The following ANKS1B variants were observed in gnomAD, a reference collection of about 807,000 sequenced individuals.
ANKS1B encodes the protein ankyrin repeat and sterile alpha motif domain-containing protein 1B.
In ANKS1B, 36 loss-of-function variants were observed where a neutral mutation model predicts 148.3. That is an observed-to-expected ratio of 0.24 (90% CI 0.19 to 0.32). ANKS1B has a LOEUF of 0.32. Ranked by LOEUF, ANKS1B falls within the 10% of genes least tolerant of loss-of-function variation. The pLI, the probability that ANKS1B is intolerant of heterozygous loss-of-function variation, is 1.00. For missense variants in ANKS1B, 1,157 were observed against 1,542.6 expected (o/e 0.75, Z 4.19); for synonymous variants, 542 against 560.8 (o/e 0.97, Z 0.47).
chr12:99,952,329 T>C (rs2153824038), intron 1 of ANKS1B, among the ~76,000 whole-genome samples: 1 of 152,324 alleles, frequency 6.6e-6, no homozygotes, highest in Admixed American at 6.5e-5. Flanking sequence ...TTGTTGCTGC[T>C]GCTGTTGTTG....
intron 12 of ANKS1B, among the ~76,000 whole-genome samples, chr12:99,364,716 T>C (rs1220687861): frequency 6.6e-6 from 1 of 152,238 alleles, no homozygotes; most frequent in Non-Finnish European, 1.5e-5. Context: ...ATGTTTTTAC[T>C]GATGGTAGTT....
At chr12:99,929,268 T>C (rs911621373) in intron 1 of ANKS1B, among the ~76,000 whole-genome samples, 9 of 152,224 alleles carry the variant, frequency 5.9e-5, no homozygotes, top group Admixed American at 5.2e-4. Context: ...TTTTTTTTCA[T>C]GTGTTTTTTG....
At chr12:99,844,095 G>A (rs889734302) in intron 1 of ANKS1B, among the ~76,000 whole-genome samples, 3 of 151,902 alleles carry the variant, frequency 2.0e-5, no homozygotes, top group African/African-American at 7.3e-5. Context: ...TAATGGGGTT[G>A]TTTTTTTCTT....
At chr12:99,098,862 T>A (rs1392693162) in intron 15 of ANKS1B, among the ~76,000 whole-genome samples, 4 of 149,942 alleles carry the variant, frequency 2.7e-5, no homozygotes, top group Non-Finnish European at 4.4e-5. Context: ...AGGCCCTGCA[T>A]TTGGGGTTTA....
intron 22 of ANKS1B, among the ~76,000 whole-genome samples, chr12:98,787,767 A>G (rs1423536776): frequency 6.6e-6 from 1 of 151,856 alleles, no homozygotes; most frequent in East Asian, 1.9e-4. Flanking sequence ...TAAAATACAA[A>G]TAATTAGCCG....
chr12:99,185,178 T>C (rs1347157288), intron 14 of ANKS1B, among the ~76,000 whole-genome samples: 1 of 152,172 alleles, frequency 6.6e-6, no homozygotes, highest in East Asian at 1.9e-4. Context: ...ATCAGATCAT[T>C]GACTGATTCT....
chr12:99,660,507 G>A (rs1402391283), intron 8 of ANKS1B, among the ~76,000 whole-genome samples: 3 of 151,664 alleles, frequency 2.0e-5, no homozygotes, highest in Non-Finnish European at 4.4e-5. Flanking sequence ...GGGATTAGAG[G>A]TGCCCACCAT....
chr12:99,691,509 G>C (rs1323101055), intron 8 of ANKS1B, among the ~76,000 whole-genome samples: 1 of 152,146 alleles, frequency 6.6e-6, no homozygotes, highest in Non-Finnish European at 1.5e-5. Context: ...AAGTTCCACA[G>C]ATCTCTAGGG....
At chr12:99,425,658 C>T (rs1448941434) in intron 11 of ANKS1B, among the ~76,000 whole-genome samples, 1 of 151,814 alleles carries the variant, frequency 6.6e-6, no homozygotes, top group East Asian at 1.9e-4. Flanking sequence ...CTTTATTGTG[C>T]ATTTCCTTGA....
intron 1 of ANKS1B, among the ~76,000 whole-genome samples, chr12:99,930,831 T>C (rs912677901): frequency 6.6e-6 from 1 of 152,160 alleles, no homozygotes; most frequent in African/African-American, 2.4e-5. Context: ...GACCCAGCCA[T>C]CCCATTACTG....
At chr12:98,779,267 C>G (rs1204929194) in intron 24 of ANKS1B, among the ~76,000 whole-genome samples, 1 of 152,162 alleles carries the variant, frequency 6.6e-6, no homozygotes, top group Non-Finnish European at 1.5e-5. Context: ...CCTTGAGGCA[C>G]AGGAGCATCA....
chr12:99,453,466 G>A (rs1364511856), intron 10 of ANKS1B, among the ~76,000 whole-genome samples: 1 of 152,150 alleles, frequency 6.6e-6, no homozygotes, highest in African/African-American at 2.4e-5. Context: ...ACGTGGCATG[G>A]TAAGGAGCTG....
At chr12:99,038,426 C>A (rs533527416) in intron 17 of ANKS1B, among the ~76,000 whole-genome samples, 1 of 152,290 alleles carries the variant, frequency 6.6e-6, no homozygotes, top group African/African-American at 2.4e-5. Context: ...CACCACACCA[C>A]TTTAGTACAA....
At chr12:98,745,908 C>A in intron 26 of ANKS1B, 59 bp from the exon 27 acceptor site, 2 of 1,558,346 alleles carry the variant, frequency 1.3e-6, no homozygotes, top group Non-Finnish European at 1.7e-6. Context: ...CGCGCATGCA[C>A]GCGGACGCCG....
At chr12:99,361,088 C>T (rs1216754971) in intron 12 of ANKS1B, among the ~76,000 whole-genome samples, 1 of 151,988 alleles carries the variant, frequency 6.6e-6, no homozygotes, top group Non-Finnish European at 1.5e-5. Flanking sequence ...TCAACAACAA[C>T]TTAATTGTGC....
In ANKS1B at chr12:99,539,172, A is replaced by C. The variant is rs141864767; in HGVS notation, c.1273-34531T>G. On this transcript the variant is annotated intron_variant, in intron 9 of 26. Coordinates refer to ENST00000683438, the MANE Select transcript of ANKS1B (RefSeq NM_001352186.2). ...AGACAGTAAACAGTAATGCAAATTC[A>C]CACTAAAAAACGTAAAAAGTGTGGG... Among the ~76,000 whole-genome samples, 20 of 152,286 alleles carry C rather than the reference A, an allele frequency of 1.3e-4. No individual in the cohort carries two copies. In the East Asian group the frequency reaches 2.1e-3, roughly 16 times the overall value.
At chr12:99,151,807 CTAAA>C (rs1297331376) in intron 15 of ANKS1B, among the ~76,000 whole-genome samples, 8 of 152,180 alleles carry the variant, frequency 5.3e-5, no homozygotes, top group African/African-American at 1.2e-4. Context: ...AAAATATTTC[CTAAA>C]TAAAGTACAT....
chr12:99,071,835 CG>C (rs2046380120), intron 16 of ANKS1B, among the ~76,000 whole-genome samples: 1 of 151,882 alleles, frequency 6.6e-6, no homozygotes. Flanking sequence ...TTAGTAGAGA[CG>C]GGGTTTCAAC....
intron 15 of ANKS1B, among the ~76,000 whole-genome samples, chr12:99,152,118 A>G (rs2075100181): frequency 6.6e-6 from 1 of 152,198 alleles, no homozygotes; most frequent in Non-Finnish European, 1.5e-5. Context: ...CTAAGTTTGC[A>G]ATTACATAAA....
Sources: allele counts gnomAD v4.1 joint callset (sites outside exome capture counted in the v4.1 genomes callset), GRCh38; gene constraint gnomAD v4.1.1; transcripts MANE v1.5; gene names NCBI Gene and HGNC (gene_info 2026-07-23, HGNC 2026-07-21).